Variants in PFKFB3 observed in about 807,000 individuals in gnomAD.
The protein encoded by PFKFB3 is 6-phosphofructo-2-kinase/fructose-2,6-bisphosphatase 3.
In PFKFB3, 33 loss-of-function variants were observed where a neutral mutation model predicts 68.0. That is an observed-to-expected ratio of 0.49 (90% CI 0.37 to 0.65). The LOEUF is 0.65. Ranked by LOEUF, PFKFB3 falls within the 30% of genes least tolerant of loss-of-function variation. PFKFB3 has a pLI of 0.00. For synonymous variants in PFKFB3, 315 were observed against 288.2 expected (o/e 1.09, Z -0.94); for missense variants, 586 against 712.2 (o/e 0.82, Z 2.02).
At chr10:6,314,488 CT>C in the PFKFB3 span, among the ~76,000 whole-genome samples, 2 of 152,264 alleles carry the variant, frequency 1.3e-5, no homozygotes, top group Admixed American at 1.3e-4. Flanking sequence ...TAATTTTCTC[CT>C]AATAACGTAT....
At position 6,228,655 on chromosome 10, in the gene PFKFB3, A is replaced by G. The variant is rs56341765; in HGVS notation, c.1515+2290A>G. On this transcript the variant is annotated intron_variant, in intron 14 of 14. Transcript: ENST00000379775. The surrounding 1 kb of genome is among the most constrained non-coding windows in gnomAD (Gnocchi z 4.5). ...TTTGTTTTGGAAGGAAAACTTACTCAGAGCCTAATCTGTAAACCAAACCTA... is the reference window on the plus strand; with the variant it reads ...TTTGTTTTGGAAGGAAAACTTACTCGGAGCCTAATCTGTAAACCAAACCTA... 6.6e-6 allele frequency among the ~76,000 whole-genome samples: 1 copy of G among 151,228 alleles called. No individual in the cohort carries two copies. Among genetic ancestry groups the G allele is most frequent in the African/African-American group, 2.4e-5 (1 of 41,080 alleles).
chr10:6,230,873 G>C (rs951369361), intron 14 of PFKFB3, among the ~76,000 whole-genome samples: 10 of 152,144 alleles, frequency 6.6e-5, no homozygotes, highest in African/African-American at 2.2e-4. Context: ...CCGCCACCAT[G>C]CCCGGCTAAT....
chr10:6,226,561 G>T, intron 14 of PFKFB3, 196 bp downstream of exon 14: 1 of 570,294 alleles, frequency 1.8e-6, no homozygotes, highest in Non-Finnish European at 3.0e-6. Context: ...GGAGAACATA[G>T]GAAGCACCCT....
At chr10:6,305,735 T>A in the PFKFB3 span, among the ~76,000 whole-genome samples, 80,316 of 152,020 alleles carry the variant, frequency 0.53, 22,957 homozygotes, top group Non-Finnish European at 0.65. Context: ...CTGTGGGACT[T>A]CTTTAAGGCC....
chr10:6,259,481 T>G (rs1448632571), downstream of PFKFB3, among the ~76,000 whole-genome samples: 2 of 151,078 alleles, frequency 1.3e-5, no homozygotes, highest in African/African-American at 4.9e-5. Context: ...CATTCATTCA[T>G]CCATCCATTT....
At position 6,203,270 on chromosome 10, in the gene PFKFB3, G is replaced by A. The variant is rs1843456554; in HGVS notation, c.10G>A (p.Glu4Lys). The A allele has an allele frequency of 6.2e-7, 1 of 1,610,380 alleles. No individual in the cohort carries two copies. The highest frequency in any genetic ancestry group is 1.3e-5 in the African/African-American group (1 of 74,522). Reference protein sequence around the residue: MPLELTQSRVQKIW... With the variant: MPLKLTQSRVQKIW... ...GGGCGCAGCCGCGAAGATGCCGTTG[G>A]AACTGACGCAGAGCCGAGTGCAGAA... is the stretch of plus-strand genomic sequence containing the variant. Residue 4 changes from glutamate (E) to lysine (K), a missense_variant, in exon 1 of 15, where the codon GAA becomes AAA. Physicochemically the swap from Glu to Lys is moderately conservative, Grantham distance 56. Transcript: ENST00000379775.
intron 1 of PFKFB3, among the ~76,000 whole-genome samples, chr10:6,145,181 C>G (rs1406542865): frequency 6.6e-6 from 1 of 152,094 alleles, no homozygotes; most frequent in African/African-American, 2.4e-5. Flanking sequence ...TTGTCCCCTC[C>G]GCCCTGCGCT....
chr10:6,231,294 T>C, intron 14 of PFKFB3: 1 of 1,612,512 alleles, frequency 6.2e-7, no homozygotes, highest in Non-Finnish European at 8.5e-7. Context: ...CTCAAAGTTT[T>C]CTCCTTACTA....
chr10:6,229,060 C>G lies in PFKFB3; in HGVS notation c.1515+2695C>G, dbSNP rs768516638. ...CTTGCCCCCCCAAAAACACACCCGC[C>G]CCTTTATTTCCTGTTTGCTCCTTAA... On this transcript the variant is annotated intron_variant, in intron 14 of 14. Coordinates refer to ENST00000379775, the MANE Select transcript of PFKFB3 (RefSeq NM_004566.4). The surrounding 1 kb of genome is among the most constrained non-coding windows in gnomAD (Gnocchi z 4.3). 2.0e-6 allele frequency: 1 copy of G among 512,716 alleles called. No individual in the cohort carries two copies. The highest frequency in any genetic ancestry group is 1.5e-5 in the South Asian group (1 of 68,276). The allele number at this position is 512,716 out of a possible 1,614,324, so 31.8% of individuals were successfully genotyped here.
chr10:6,162,185 C>T (rs781659529), intron 1 of PFKFB3, among the ~76,000 whole-genome samples: 3 of 152,204 alleles, frequency 2.0e-5, no homozygotes, highest in East Asian at 3.9e-4. Context: ...CAAGTGCTCA[C>T]GGCTCATCCA....
At chr10:6,264,974 C>G in the PFKFB3 span, among the ~76,000 whole-genome samples, 1 of 152,130 alleles carries the variant, frequency 6.6e-6, no homozygotes, top group East Asian at 1.9e-4. Context: ...GATGTCCTTT[C>G]TAGCATTGTT....
intron 1 of PFKFB3, among the ~76,000 whole-genome samples, chr10:6,156,292 C>T (rs1049486281): frequency 3.3e-5 from 5 of 151,368 alleles, no homozygotes; most frequent in Admixed American, 1.3e-4. Context: ...TAGCTGGGAC[C>T]GCAGGTGTGC....
chr10:6,255,450 T>C (rs530811190), downstream of PFKFB3, among the ~76,000 whole-genome samples: 5 of 152,348 alleles, frequency 3.3e-5, no homozygotes, highest in Admixed American at 1.3e-4. Context: ...CTAGTCCCCA[T>C]GTAAGCGAAG....
chr10:6,148,924 TA>T (rs1471924885), intron 1 of PFKFB3, among the ~76,000 whole-genome samples: 2 of 151,660 alleles, frequency 1.3e-5, no homozygotes, highest in Admixed American at 1.3e-4. Context: ...CCAAAAAAAT[TA>T]AAAATCAGCT....
At chr10:6,304,466 C>T in the PFKFB3 span, among the ~76,000 whole-genome samples, 19 of 149,990 alleles carry the variant, frequency 1.3e-4, no homozygotes, top group African/African-American at 3.9e-4. Context: ...CTACTACTAC[C>T]GTTAGACATT....
chr10:6,209,910 G>A (rs1014586222), intron 1 of PFKFB3, among the ~76,000 whole-genome samples: 2 of 151,966 alleles, frequency 1.3e-5, no homozygotes, highest in Admixed American at 6.6e-5. Flanking sequence ...GACTACAGGC[G>A]CCTGCCATCA....
chr10:6,283,029 G>A, the PFKFB3 span, among the ~76,000 whole-genome samples: 4 of 152,264 alleles, frequency 2.6e-5, no homozygotes, highest in African/African-American at 9.6e-5. Flanking sequence ...GCAATGGCAC[G>A]ATCTTGGCTC....
chr10:6,210,409 G>A (rs1366726432), intron 1 of PFKFB3, among the ~76,000 whole-genome samples: 5 of 91,060 alleles, frequency 5.5e-5, no homozygotes, highest in Non-Finnish European at 1.0e-4. Context: ...CACCCAGGCT[G>A]GAGTGCAGTG....
the PFKFB3 span, among the ~76,000 whole-genome samples, chr10:6,304,061 T>C: frequency 6.6e-6 from 1 of 152,164 alleles, no homozygotes; most frequent in Non-Finnish European, 1.5e-5. Context: ...CACAGAGTGC[T>C]GCTTTGATCT....
Sources: gnomAD v4.1 joint callset for allele counts (sites outside exome capture counted in the v4.1 genomes callset) on GRCh38, gnomAD v4.1.1 for gene constraint, Gnocchi (gnomAD v3.1) non-coding constraint, MANE v1.5 for transcripts, NCBI Gene and HGNC (gene_info 2026-07-23, HGNC 2026-07-21) for gene names.